APP: variants seen among roughly 807,000 people sequenced by gnomAD.
The protein encoded by APP is amyloid-beta precursor protein.
APP carries 31 observed loss-of-function variants against 101.4 expected under a neutral mutation model. The observed-to-expected ratio is 0.31, with a 90% CI of 0.23 to 0.41. The LOEUF (loss-of-function observed/expected upper bound fraction) is 0.41. Ranked by LOEUF, APP falls within the 10% of genes least tolerant of loss-of-function variation. The pLI is 1.00. For missense variants in APP, 839 were observed against 1,003.7 expected (o/e 0.84, Z 2.22); for synonymous variants, 366 against 364.4 (o/e 1.00, Z -0.05).
At chr21:26,090,572 G>C (rs2061802031) in intron 2 of APP, among the ~76,000 whole-genome samples, 1 of 152,090 alleles carries the variant, frequency 6.6e-6, no homozygotes, top group South Asian at 2.1e-4. Context: ...TATTTTTCCA[G>C]GGGAGCTAAA....
intron 8 of APP, among the ~76,000 whole-genome samples, chr21:25,983,886 G>A (rs1013312216): frequency 6.6e-6 from 1 of 152,154 alleles, no homozygotes; most frequent in Non-Finnish European, 1.5e-5. Flanking sequence ...GAGTCATGTG[G>A]GGATTTGCAA....
intron 2 of APP, among the ~76,000 whole-genome samples, chr21:26,095,133 C>T (rs1403053496): frequency 1.3e-5 from 2 of 152,130 alleles, no homozygotes; most frequent in African/African-American, 4.8e-5. Flanking sequence ...CGTGAGCCAC[C>T]GTGCCCGGCC....
At chr21:25,894,077 G>GTTTTGTT (rs2037870840) in intron 16 of APP, among the ~76,000 whole-genome samples, 1 of 152,190 alleles carries the variant, frequency 6.6e-6, no homozygotes, top group Non-Finnish European at 1.5e-5. Flanking sequence ...TGGGATGACA[G>GTTTTGTT]CACATCTCTT....
chr21:26,012,975 C>CAACAAAACAA lies in APP; in HGVS notation c.865+8855_865+8864dup, dbSNP rs146168082. 3.6e-3 allele frequency among the ~76,000 whole-genome samples: 534 copies of CAACAAAACAA among 147,826 alleles called. 6 individuals carry two copies. The highest frequency in any genetic ancestry group is 0.01 in the African/African-American group (410 of 39,526). On this transcript the variant is annotated intron_variant, in intron 6 of 17. Transcript: ENST00000346798. ...AGCCTGGGTGACTGAGACTCCATGT[C>CAACAAAACAA]AACAAAACAAAACAAAACAAAACAA...
intron 13 of APP, among the ~76,000 whole-genome samples, chr21:25,919,892 C>CT (rs2039542858): frequency 9.9e-6 from 1 of 101,356 alleles, no homozygotes; most frequent in African/African-American, 4.6e-5. Context: ...CAAAGATACT[C>CT]CTCGAGAAGA....
intron 13 of APP, among the ~76,000 whole-genome samples, chr21:25,943,484 G>C (rs987633406): frequency 7.4e-6 from 1 of 135,436 alleles, no homozygotes; most frequent in Middle Eastern, 5.4e-3. Context: ...ATGGAGTCTC[G>C]TTCTGTTGCC....
intron 13 of APP, among the ~76,000 whole-genome samples, chr21:25,948,473 A>G (rs1216649221): frequency 6.6e-6 from 1 of 152,178 alleles, no homozygotes; most frequent in Non-Finnish European, 1.5e-5. Flanking sequence ...ATTCCCCGCC[A>G]TATCTTTCAA....
chr21:26,015,949 T>C (rs1387046827), intron 6 of APP, among the ~76,000 whole-genome samples: 2 of 152,188 alleles, frequency 1.3e-5, no homozygotes, highest in Admixed American at 6.5e-5. Context: ...AACTTTTGTG[T>C]AGAAAACAGG....
rs565913827 is a variant in APP, at chr21:26,026,641, A to G, written c.663-4599T>C. 5.1e-4 allele frequency among the ~76,000 whole-genome samples: 78 copies of G among 152,260 alleles called. 1 individual carries two copies. Among genetic ancestry groups the G allele is most frequent in the Non-Finnish European group, 7.8e-4 (53 of 68,052 alleles). On this transcript the variant is annotated intron_variant, in intron 5 of 17. Transcript: ENST00000346798. ...TTCTAAGAAAGCCATATGACATTCTAGAAATGGCAAAATTATAGACAGTAA... is the reference window on the plus strand; with the variant it reads ...TTCTAAGAAAGCCATATGACATTCTGGAAATGGCAAAATTATAGACAGTAA...
At chr21:26,149,535 C>G (rs1000402754) in intron 1 of APP, among the ~76,000 whole-genome samples, 1 of 152,108 alleles carries the variant, frequency 6.6e-6, no homozygotes, top group Non-Finnish European at 1.5e-5. Context: ...CACGGTTGAC[C>G]GCCAGGTTAC....
At chr21:26,102,080 TG>T (rs200801905) in intron 2 of APP, among the ~76,000 whole-genome samples, 3 of 137,780 alleles carry the variant, frequency 2.2e-5, no homozygotes, top group Admixed American at 1.5e-4. Flanking sequence ...TAAAACTATG[TG>T]GTTTTTTTTT....
intron 3 of APP, among the ~76,000 whole-genome samples, chr21:26,078,869 C>T (rs1483368125): frequency 2.0e-5 from 3 of 152,126 alleles, no homozygotes; most frequent in Non-Finnish European, 2.9e-5. Context: ...CACGGAGAAA[C>T]CCCGTCTCTA....
Position 25,997,395 on chromosome 21 carries a change from G to C in APP, c.1055C>G (p.Thr352Ser). 1 of 1,613,704 alleles carries C rather than the reference G, an allele frequency of 6.2e-7. No individual in the cohort carries two copies. The highest frequency in any genetic ancestry group is 8.5e-7 in the Non-Finnish European group (1 of 1,179,652). ...ATCTCGGGCAAGAGGTTCCTGGGTAGTCTTGAGTAAACTTTGGGACACTAT... is the reference window on the plus strand; with the variant it reads ...ATCTCGGGCAAGAGGTTCCTGGGTACTCTTGAGTAAACTTTGGGACACTAT... The part of the protein sequence containing the change: ...GSAMSQSLLK[T>S]TQEPLARDPV... Residue 352 changes from threonine to serine, a missense_variant, in exon 8 of 18, where the codon ACT becomes AGT. Thr to Ser is a moderately conservative substitution (Grantham distance 58). Transcript: ENST00000346798.
At chr21:26,015,408 T>C (rs928143429) in intron 6 of APP, among the ~76,000 whole-genome samples, 14 of 152,206 alleles carry the variant, frequency 9.2e-5, no homozygotes, top group African/African-American at 3.4e-4. Flanking sequence ...ATCCCTATTT[T>C]ACAAAAAGAA....
intron 2 of APP, among the ~76,000 whole-genome samples, chr21:26,104,643 G>T (rs763572359): frequency 6.6e-6 from 1 of 152,080 alleles, no homozygotes; most frequent in African/African-American, 2.4e-5. Flanking sequence ...CACTATGAAT[G>T]ATAACAACAA....
chr21:26,130,125 C>T (rs2830075), intron 1 of APP, among the ~76,000 whole-genome samples: 62,375 of 152,084 alleles, frequency 0.41, 15,123 homozygotes, highest in African/African-American at 0.69. Context: ...GACAAACTAA[C>T]CTTCCAAAAA....
intron 1 of APP, among the ~76,000 whole-genome samples, chr21:26,168,549 T>C (rs573720532): frequency 2.0e-4 from 31 of 152,340 alleles, no homozygotes; most frequent in African/African-American, 7.2e-4. Flanking sequence ...TCTGCCTACA[T>C]GCTTCCTCTT....
At chr21:26,014,554 T>C (rs1194425845) in intron 6 of APP, among the ~76,000 whole-genome samples, 3 of 152,192 alleles carry the variant, frequency 2.0e-5, no homozygotes, top group Non-Finnish European at 4.4e-5. Flanking sequence ...CTCTTCTCCA[T>C]GCTGCCAAAA....
At chr21:25,948,834 A>G (rs2040942835) in intron 13 of APP, among the ~76,000 whole-genome samples, 1 of 151,868 alleles carries the variant, frequency 6.6e-6, no homozygotes, top group Non-Finnish European at 1.5e-5. Flanking sequence ...ATCATTTTTA[A>G]GTAACAATTT....
Sources: gnomAD v4.1 joint callset for allele counts (sites outside exome capture counted in the v4.1 genomes callset) on GRCh38, gnomAD v4.1.1 for gene constraint, MANE v1.5 for transcripts, NCBI Gene and HGNC (gene_info 2026-07-23, HGNC 2026-07-21) for gene names.